Variants in PPP3CA observed in about 807,000 individuals in gnomAD.
PPP3CA encodes CAM-PRP catalytic subunit.
Under a neutral mutation model 66.5 loss-of-function variants are expected in PPP3CA, and 14 were observed. The ratio of observed to expected loss-of-function variants is 0.21; its 90% CI spans 0.14 to 0.33. The LOEUF (loss-of-function observed/expected upper bound fraction) is 0.33. Among genes scored for constraint, PPP3CA ranks in the 10% least tolerant of loss-of-function variants. The probability of loss-of-function intolerance (pLI) is 1.00; values close to 1 mark genes in which losing one functional copy is unlikely to be tolerated. For synonymous variants in PPP3CA, 232 were observed against 226.2 expected (o/e 1.03, Z -0.23); for missense variants, 317 against 639.5 (o/e 0.50, Z 5.44).
chr4:101,145,908 A>G (rs537954105), intron 2 of PPP3CA, among the ~76,000 whole-genome samples: 48 of 152,182 alleles, frequency 3.2e-4, no homozygotes, highest in Non-Finnish European at 6.5e-4. Flanking sequence ...TTCATAACCT[A>G]TGAGCTTAAA....
At chr4:101,325,368 T>C (rs559585031) in intron 1 of PPP3CA, among the ~76,000 whole-genome samples, 2 of 152,364 alleles carry the variant, frequency 1.3e-5, no homozygotes, top group Middle Eastern at 3.4e-3. Context: ...ACCACACTTT[T>C]GAGTAGCACT....
intron 1 of PPP3CA, among the ~76,000 whole-genome samples, chr4:101,313,464 T>C (rs887895065): frequency 2.0e-5 from 3 of 152,252 alleles, no homozygotes; most frequent in African/African-American, 4.8e-5. Context: ...TTAACATTCA[T>C]ATTTGTATAG....
At chr4:101,042,496 A>G (rs1374973726) in intron 10 of PPP3CA, among the ~76,000 whole-genome samples, 1 of 152,152 alleles carries the variant, frequency 6.6e-6, no homozygotes, top group Non-Finnish European at 1.5e-5. Flanking sequence ...ATAAGTGTCT[A>G]TCCATGTGGG....
intron 2 of PPP3CA, among the ~76,000 whole-genome samples, chr4:101,135,196 T>C (rs989692581): frequency 1.3e-5 from 2 of 151,134 alleles, no homozygotes; most frequent in Non-Finnish European, 2.9e-5. Context: ...TCTGCACACG[T>C]ATCACAGAAC....
chr4:101,075,681 T>G (rs917255723), intron 8 of PPP3CA, among the ~76,000 whole-genome samples: 4 of 152,198 alleles, frequency 2.6e-5, no homozygotes, highest in African/African-American at 9.7e-5. Context: ...CTGAGTTGTT[T>G]AAGCCAATGT....
At chr4:101,336,562 AACTGTCTT>A (rs762492097) in intron 1 of PPP3CA, among the ~76,000 whole-genome samples, 86 of 150,890 alleles carry the variant, frequency 5.7e-4, no homozygotes, top group Middle Eastern at 3.4e-3. Context: ...AACAGAGTGA[AACTGTCTT>A]AAAAAAAAAA....
intron 1 of PPP3CA, among the ~76,000 whole-genome samples, chr4:101,275,689 A>T (rs1053543390): frequency 6.6e-6 from 1 of 152,310 alleles, no homozygotes; most frequent in Admixed American, 6.5e-5. Flanking sequence ...CAGAACAAAG[A>T]CTCAAAATTA....
chr4:101,178,759 A>C (rs1459309360), intron 2 of PPP3CA, among the ~76,000 whole-genome samples: 1 of 152,082 alleles, frequency 6.6e-6, no homozygotes, highest in Non-Finnish European at 1.5e-5. Flanking sequence ...CATGACACCT[A>C]GACATCACTA....
intron 2 of PPP3CA, among the ~76,000 whole-genome samples, chr4:101,154,627 C>G (rs1028207625): frequency 6.6e-6 from 1 of 152,076 alleles, no homozygotes; most frequent in South Asian, 2.1e-4. Context: ...TGCTTAGACT[C>G]TACCCAGTGT....
intron 1 of PPP3CA, chr4:101,250,242 G>C (rs988840517): frequency 3.1e-5 from 13 of 415,860 alleles, no homozygotes; most frequent in Non-Finnish European, 6.2e-5. Flanking sequence ...AGGTCACGCA[G>C]TGTGGTGTTA....
At chr4:101,238,966 A>T (rs1726214576) in intron 1 of PPP3CA, among the ~76,000 whole-genome samples, 1 of 152,130 alleles carries the variant, frequency 6.6e-6, no homozygotes, top group Non-Finnish European at 1.5e-5. Flanking sequence ...ACTACCAAGT[A>T]TAACAAATAC....
intron 1 of PPP3CA, among the ~76,000 whole-genome samples, chr4:101,298,473 C>T (rs2850362): frequency 1.3e-5 from 2 of 151,854 alleles, no homozygotes; most frequent in African/African-American, 4.8e-5. Flanking sequence ...CCTCCTCTAC[C>T]TACTCCTTCT....
intron 2 of PPP3CA, among the ~76,000 whole-genome samples, chr4:101,117,295 T>C (rs1369979774): frequency 2.0e-5 from 3 of 151,912 alleles, no homozygotes; most frequent in African/African-American, 4.8e-5. Context: ...CAGAATAGTC[T>C]ACATGTTAAA....
chr4:101,279,663 T>G (rs947953905), intron 1 of PPP3CA, among the ~76,000 whole-genome samples: 4 of 152,186 alleles, frequency 2.6e-5, no homozygotes, highest in Non-Finnish European at 5.9e-5. Flanking sequence ...TGAAACCAGC[T>G]GAGCCAATGA....
intron 1 of PPP3CA, among the ~76,000 whole-genome samples, chr4:101,235,199 T>A (rs187841973): frequency 1.3e-5 from 2 of 151,934 alleles, no homozygotes; most frequent in Admixed American, 1.3e-4. Flanking sequence ...AACTAAACAC[T>A]TTTTACAATA....
At position 101,025,607 on chromosome 4, in the gene PPP3CA, AT is replaced by A. The variant is rs981137411; in HGVS notation, c.*257del. ...TACTAGCATTAGCTTTCTTTTTAAA[AT>A]TTTTTTTCTCTATAAGCATTTTTAA... On this transcript the variant is annotated 3_prime_UTR_variant, in exon 14 of 14. Transcript: ENST00000394854. The A allele has an allele frequency of 4.5e-5, 15 of 330,026 alleles. No homozygotes were observed. Among genetic ancestry groups the A allele is most frequent in the Non-Finnish European group, 7.1e-5 (13 of 182,480 alleles). The allele number at this position is 330,026 out of a possible 1,614,324, so 20.4% of individuals were successfully genotyped here.
intron 2 of PPP3CA, among the ~76,000 whole-genome samples, chr4:101,195,369 T>C (rs1724755685): frequency 6.6e-6 from 1 of 152,086 alleles, no homozygotes; most frequent in Non-Finnish European, 1.5e-5. Context: ...CAAACTTTAA[T>C]GTGCATCAGA....
chr4:101,338,778 A>G (rs1415271303), intron 1 of PPP3CA, among the ~76,000 whole-genome samples: 1 of 152,258 alleles, frequency 6.6e-6, no homozygotes, highest in African/African-American at 2.4e-5. Flanking sequence ...CAGGCCCAGC[A>G]GAACAGGAAT....
At chr4:101,345,188 T>C (rs949282050) in intron 1 of PPP3CA, among the ~76,000 whole-genome samples, 2 of 152,184 alleles carry the variant, frequency 1.3e-5, no homozygotes, top group Non-Finnish European at 2.9e-5. Context: ...GCAGGAATGA[T>C]TCCAGTAAAA....
Sources: gnomAD v4.1 joint callset for allele counts (sites outside exome capture counted in the v4.1 genomes callset) on GRCh38, gnomAD v4.1.1 for gene constraint, MANE v1.5 for transcripts, NCBI Gene and HGNC (gene_info 2026-07-23, HGNC 2026-07-21) for gene names.